Variants in GABRP observed in about 807,000 individuals in gnomAD.
GABRP encodes the protein gamma-aminobutyric acid receptor subunit pi.
A neutral mutation model predicts 47.8 loss-of-function variants in GABRP; 52 were observed. That is an observed-to-expected ratio of 1.09 (90% CI 0.87 to 1.37). The LOEUF is 1.37. GABRP is among the 40% of genes most tolerant of loss of function. GABRP has a pLI of 0.00. For synonymous variants in GABRP, 221 were observed against 205.8 expected, an observed-to-expected ratio of 1.07 and a Z score of -0.63; for missense variants, 525 against 542.8, an observed-to-expected ratio of 0.97 and a Z score of 0.33.
At chr5:170,811,451 C>T (rs1029053074) in intron 9 of GABRP, among the ~76,000 whole-genome samples, 6 of 151,990 alleles carry the variant, frequency 3.9e-5, no homozygotes, top group Non-Finnish European at 7.4e-5. Context: ...TATTATCTCT[C>T]GTAATCAGTT....
chr5:170,794,310 T>A lies in GABRP; in HGVS notation c.240+12T>A. On this transcript the variant is annotated intron_variant, in intron 4 of 9. Coordinates refer to ENST00000265294, the MANE Select transcript of GABRP (RefSeq NM_014211.3). ...CAGAGAGTAACATGGTAAGCGCTGT[T>A]CCTTTGTACTCTACCCAAGTAGTCC... 6.3e-7 allele frequency: 1 copy of A among 1,575,294 alleles called. No individual in the cohort carries two copies. Among genetic ancestry groups the A allele is most frequent in the Non-Finnish European group, 8.7e-7 (1 of 1,147,026 alleles).
At chr5:170,803,614 A>T (rs1357552485) in intron 6 of GABRP, among the ~76,000 whole-genome samples, 2 of 152,150 alleles carry the variant, frequency 1.3e-5, no homozygotes, top group East Asian at 3.9e-4. Context: ...CACCCCAAAG[A>T]GACTCCTGTA....
In GABRP at chr5:170,803,531, A is replaced by T. The variant is rs80316462; in HGVS notation, c.542-2185A>T. 7.6e-3 allele frequency among the ~76,000 whole-genome samples: 1,163 copies of T among 152,244 alleles called. 16 individuals carry two copies. Among genetic ancestry groups the T allele is most frequent in the African/African-American group, 0.026 (1,090 of 41,534 alleles). ...GATAAAATTCACCCATTTTAATTGT[A>T]CAGTTCAAAGATTTTTAGTACATTT... On this transcript the variant is annotated intron_variant, in intron 6 of 9. Transcript: ENST00000265294.
intron 3 of GABRP, among the ~76,000 whole-genome samples, chr5:170,790,588 C>G (rs1765238169): frequency 6.6e-6 from 1 of 152,008 alleles, no homozygotes; most frequent in African/African-American, 2.4e-5. Flanking sequence ...GAGAGGCAAG[C>G]TAGGAGAGCT....
At position 170,791,032 on chromosome 5, in the gene GABRP, G is replaced by A. The variant is rs567515564; in HGVS notation, c.172+1785G>A. Among the ~76,000 whole-genome samples, 9 of 152,334 alleles carry A rather than the reference G, an allele frequency of 5.9e-5. 1 individual carries two copies. In the South Asian group the frequency reaches 1.9e-3, roughly 32 times the overall value. ...AGGCCCTACTGAACACGTATGACAA[G>A]CACGTGAGTCTGCACGCCTTGGTTA... On this transcript the variant is annotated intron_variant, in intron 3 of 9. Coordinates refer to ENST00000265294, the MANE Select transcript of GABRP (RefSeq NM_014211.3).
chr5:170,795,577 C>G, intron 5 of GABRP, 152 bp downstream of exon 5: 1 of 656,386 alleles, frequency 1.5e-6, no homozygotes, highest in Non-Finnish European at 2.7e-6. Context: ...AGGTCCCTCT[C>G]TCAGTTCATC....
intron 8 of GABRP, 46 bp from the exon 9 acceptor site, chr5:170,809,522 G>A (rs1561816201): frequency 2.5e-6 from 4 of 1,591,766 alleles, no homozygotes; most frequent in African/African-American, 1.3e-5. Flanking sequence ...TATGGTGGAG[G>A]ACTAACCAGT....
In GABRP at chr5:170,786,342, A is replaced by G. The variant is rs906708502; in HGVS notation, c.-42-2232A>G. 2.4e-4 allele frequency among the ~76,000 whole-genome samples: 37 copies of G among 152,232 alleles called. 2 individuals are homozygous for G. ...ACTGGTATTTTCAATGAGTGAGAAC[A>G]AAAAAGCTAACATAACAGAGAGCAG... On this transcript the variant is annotated intron_variant, in intron 1 of 9. Transcript: ENST00000265294.
chr5:170,794,374 TCAA>T (rs1561809221), intron 4 of GABRP, 76 bp downstream of exon 4: 68 of 213,162 alleles, frequency 3.2e-4, no homozygotes, highest in South Asian at 1.0e-3. Context: ...TTCTAGCCGC[TCAA>T]AAAAAAAAAA....
At chr5:170,786,157 C>T (rs190340586) in intron 1 of GABRP, among the ~76,000 whole-genome samples, 12 of 152,232 alleles carry the variant, frequency 7.9e-5, no homozygotes, top group African/African-American at 2.6e-4. Flanking sequence ...GCTCAATAAA[C>T]CTGTGGAAAA....
intron 6 of GABRP, among the ~76,000 whole-genome samples, chr5:170,803,952 G>T (rs1163735026): frequency 6.6e-6 from 1 of 152,064 alleles, no homozygotes; most frequent in African/African-American, 2.4e-5. Flanking sequence ...ATTTTTAGTA[G>T]AGACAGGGTT....
chr5:170,799,534 A>G (rs987678029), intron 6 of GABRP, among the ~76,000 whole-genome samples: 3 of 152,210 alleles, frequency 2.0e-5, no homozygotes, highest in Admixed American at 2.0e-4. Context: ...ATGGCCAGTG[A>G]TGATGAGCAT....
At chr5:170,806,835 A>G (rs571202632) in intron 7 of GABRP, among the ~76,000 whole-genome samples, 7 of 152,334 alleles carry the variant, frequency 4.6e-5, no homozygotes, top group Non-Finnish European at 8.8e-5. Context: ...AAGGGTATGT[A>G]TAGAGAAAAG....
intron 1 of GABRP, chr5:170,788,357 A>T (rs1281242701): frequency 1.5e-5 from 6 of 397,158 alleles, no homozygotes; most frequent in African/African-American, 8.9e-5. Context: ...TAAAAAAAAT[A>T]AAAAATTAAA....
chr5:170,796,935 C>T (rs758277683), intron 5 of GABRP, among the ~76,000 whole-genome samples: 38 of 152,294 alleles, frequency 2.5e-4, no homozygotes, highest in Non-Finnish European at 4.7e-4. Flanking sequence ...TGGGGTTAAG[C>T]CCCCAAAGCC....
intron 1 of GABRP, chr5:170,788,355 AT>A (rs1347850471): frequency 2.8e-4 from 112 of 395,660 alleles, no homozygotes; most frequent in African/African-American, 2.3e-3. Flanking sequence ...TTTAAAAAAA[AT>A]AAAAAATTAA....
At chr5:170,786,744 CT>C (rs1328155170) in intron 1 of GABRP, among the ~76,000 whole-genome samples, 1 of 152,094 alleles carries the variant, frequency 6.6e-6, no homozygotes. Flanking sequence ...TGTGAGGATT[CT>C]AGATATGCGT....
intron 1 of GABRP, among the ~76,000 whole-genome samples, chr5:170,786,903 G>A (rs1000965878): frequency 2.6e-5 from 4 of 152,150 alleles, no homozygotes; most frequent in Admixed American, 1.3e-4. Flanking sequence ...ATATATATGT[G>A]TATCTGTGGA....
In GABRP at chr5:170,797,468, T is replaced by A. The variant is rs954313348; in HGVS notation, c.461T>A (p.Ile154Asn). ...SNGTVLYALR[I>N]TTTVACNMDL... ...TTGAACCTGTTTTTCCCTCTTAGAA[T>A]CACGACAACTGTTGCATGTAACATG... The change falls in exon 6 of 10, where the codon ATC (isoleucine) becomes AAC (asparagine). Residue 154 changes from isoleucine to asparagine, a missense_variant and splice_region_variant. By Grantham distance (149) the Ile-to-Asn change is moderately radical. Transcript: ENST00000265294. The A allele has an allele frequency of 3.1e-6, 5 of 1,605,050 alleles. No individual in the cohort carries two copies. The highest frequency in any genetic ancestry group is 4.3e-6 in the Non-Finnish European group (5 of 1,171,826).
Sources: allele counts gnomAD v4.1 joint callset (sites outside exome capture counted in the v4.1 genomes callset), GRCh38; gene constraint gnomAD v4.1.1; transcripts MANE v1.5; gene names NCBI Gene and HGNC (gene_info 2026-07-23, HGNC 2026-07-21).